The following CAMK2A variants were observed in gnomAD, a reference collection of about 807,000 sequenced individuals.
The protein encoded by CAMK2A is calcium/calmodulin dependent protein kinase II alpha.
In CAMK2A, 7 loss-of-function variants were observed where a neutral mutation model predicts 79.2. The observed-to-expected ratio is 0.09, with a 90% CI of 0.05 to 0.17. The LOEUF is 0.17. CAMK2A is among the 10% of genes least tolerant of loss of function. The pLI is 1.00. For synonymous variants in CAMK2A, 242 were observed against 251.7 expected, an observed-to-expected ratio of 0.96 and a Z score of 0.36; for missense variants, 214 against 646.4, an observed-to-expected ratio of 0.33 and a Z score of 7.25.
chr5:150,238,089 T>C (rs1281057038), intron 15 of CAMK2A, among the ~76,000 whole-genome samples: 1 of 152,246 alleles, frequency 6.6e-6, no homozygotes, highest in Admixed American at 6.5e-5. Context: ...ATGTATACCA[T>C]TACCAAACAC....
rs545225283 is a variant in CAMK2A at position 150,222,314 on chromosome 5, G to A, written c.*396C>T. ...GGAGAGGTCTGGGAGAGGGACGGACGGATGCTGCCTTCCTCATCATGCCAC... is the reference window on the plus strand; with the variant it reads ...GGAGAGGTCTGGGAGAGGGACGGACAGATGCTGCCTTCCTCATCATGCCAC... On this transcript the variant is annotated 3_prime_UTR_variant, in exon 19 of 19. Coordinates refer to ENST00000671881, the MANE Select transcript of CAMK2A (RefSeq NM_015981.4). 295 of 604,322 alleles carry A rather than the reference G, an allele frequency of 4.9e-4. 5 individuals are homozygous for A. The highest frequency in any genetic ancestry group is 4.6e-3 in the South Asian group (234 of 51,374). The allele number at this position is 604,322 out of a possible 1,614,324, so 37.4% of individuals were successfully genotyped here.
At chr5:150,268,642 ACGTTCCCAGGG>A (rs1254344481) in intron 2 of CAMK2A, among the ~76,000 whole-genome samples, 5 of 152,248 alleles carry the variant, frequency 3.3e-5, no homozygotes, top group African/African-American at 1.2e-4. Flanking sequence ...GGTCACTGCC[ACGTTCCCAGGG>A]CGTGGCATAG....
chr5:150,254,148 C>T (rs1755955897), intron 6 of CAMK2A, among the ~76,000 whole-genome samples: 1 of 152,128 alleles, frequency 6.6e-6, no homozygotes, highest in African/African-American at 2.4e-5. Context: ...GGAGGCCATC[C>T]AAGTTTACTC....
chr5:150,265,122 G>C (rs1447927618), intron 2 of CAMK2A, 107 bp from the exon 3 acceptor site: 1 of 839,734 alleles, frequency 1.2e-6, no homozygotes. Context: ...GGCAGCCCCT[G>C]GGGGCTGGGA....
At chr5:150,277,623 T>C (rs1425832396) in intron 1 of CAMK2A, among the ~76,000 whole-genome samples, 1 of 152,236 alleles carries the variant, frequency 6.6e-6, no homozygotes, top group Non-Finnish European at 1.5e-5. Context: ...GTGGGGACCC[T>C]GAACCCCTTG....
At chr5:150,268,065 G>A (rs947832542) in intron 2 of CAMK2A, among the ~76,000 whole-genome samples, 3 of 152,032 alleles carry the variant, frequency 2.0e-5, no homozygotes, top group Non-Finnish European at 2.9e-5. Context: ...AGTAGAGACG[G>A]GGTTCCACCA....
Position 150,221,635 on chromosome 5 carries a change from G to T in CAMK2A, c.*1075C>A. On this transcript the variant is annotated 3_prime_UTR_variant, in exon 19 of 19. Transcript: ENST00000671881. ...TCTGATGCTTCCACAGTCCCAAAAG[G>T]AACGCCTGTGTCAGCTCACCTTGGG... 2.5e-6 allele frequency: 1 copy of T among 398,022 alleles called. No individual in the cohort carries two copies. The highest frequency in any genetic ancestry group is 1.3e-4 in the South Asian group (1 of 7,818). 24.7% of individuals were successfully genotyped at this position (398,022 alleles called of 1,614,324 possible).
chr5:150,276,645 G>A (rs906871165), intron 1 of CAMK2A, among the ~76,000 whole-genome samples: 1 of 152,180 alleles, frequency 6.6e-6, no homozygotes, highest in African/African-American at 2.4e-5. Flanking sequence ...TCTGGGCAAG[G>A]TTCTGAGAAC....
chr5:150,224,756 G>C (rs943256325), intron 17 of CAMK2A, among the ~76,000 whole-genome samples: 1 of 152,058 alleles, frequency 6.6e-6, no homozygotes, highest in Non-Finnish European at 1.5e-5. Context: ...CAGGGCTGGA[G>C]GCATACAAGA....
chr5:150,245,067 C>T, intron 13 of CAMK2A, 94 bp downstream of exon 13: 1 of 1,285,948 alleles, frequency 7.8e-7, no homozygotes. Context: ...ACACCATCAG[C>T]AAGGCCCGGG....
intron 2 of CAMK2A, among the ~76,000 whole-genome samples, chr5:150,272,452 A>G (rs1756786633): frequency 6.6e-6 from 1 of 151,882 alleles, no homozygotes; most frequent in Non-Finnish European, 1.5e-5. Flanking sequence ...GACGCTTGTA[A>G]TCCCAGCTAC....
At chr5:150,283,725 G>A (rs1757307848) in intron 1 of CAMK2A, among the ~76,000 whole-genome samples, 1 of 152,192 alleles carries the variant, frequency 6.6e-6, no homozygotes, top group South Asian at 2.1e-4. Flanking sequence ...AATTAATGTT[G>A]GCTTTGCACT....
intron 12 of CAMK2A, 51 bp from the exon 13 acceptor site, chr5:150,245,252 G>T: frequency 6.3e-7 from 1 of 1,576,998 alleles, no homozygotes; most frequent in Non-Finnish European, 8.7e-7. Flanking sequence ...GGGCACCAGG[G>T]CCCACAGGGC....
At chr5:150,255,949 G>A (rs1323162098) in intron 6 of CAMK2A, among the ~76,000 whole-genome samples, 5 of 152,184 alleles carry the variant, frequency 3.3e-5, no homozygotes, top group Non-Finnish European at 7.4e-5. Flanking sequence ...GATCAGCAGC[G>A]GAGATCCATG....
chr5:150,279,602 A>G (rs1464794902), intron 1 of CAMK2A, among the ~76,000 whole-genome samples: 3 of 152,170 alleles, frequency 2.0e-5, no homozygotes, highest in Non-Finnish European at 4.4e-5. Context: ...CAAAATGGAC[A>G]TTGTTTGCCA....
chr5:150,284,372 TCAG>T lies in CAMK2A; in HGVS notation c.62+5189_62+5191del, dbSNP rs1309135466. Among the ~76,000 whole-genome samples the T allele has an allele frequency of 1.3e-5, 2 of 152,106 alleles. No homozygotes were observed. The highest frequency in any genetic ancestry group is 4.8e-5 in the African/African-American group (2 of 41,406). ...ATGTGTGTGTGTGAGCACGCATGCA[TCAG>T]CAACAGGATGCGAGTGTTGCACTCC... On this transcript the variant is annotated intron_variant, in intron 1 of 18. Transcript: ENST00000671881. This position sits in a 1 kb window ranked among gnomAD's most constrained non-coding sequence, Gnocchi z 5.3.
At chr5:150,244,801 A>G (rs1308966520) in intron 13 of CAMK2A, among the ~76,000 whole-genome samples, 1 of 152,178 alleles carries the variant, frequency 6.6e-6, no homozygotes, top group Non-Finnish European at 1.5e-5. Context: ...GTCACCCCTC[A>G]TGACCATTTC....
At chr5:150,257,710 C>A (rs532515735) in intron 3 of CAMK2A, 93 bp from the exon 4 acceptor site, 1 of 991,544 alleles carries the variant, frequency 1.0e-6, no homozygotes, top group Non-Finnish European at 1.6e-6. Flanking sequence ...TCCAACACCC[C>A]CCGCTCCCAG....
intron 16 of CAMK2A, among the ~76,000 whole-genome samples, chr5:150,229,058 T>A (rs144123869): frequency 1.3e-5 from 2 of 152,248 alleles, no homozygotes; most frequent in East Asian, 3.9e-4. Flanking sequence ...CATGGACCCC[T>A]GTGACAATAG....
Sources: allele counts gnomAD v4.1 joint callset (sites outside exome capture counted in the v4.1 genomes callset), GRCh38; gene constraint gnomAD v4.1.1; non-coding constraint Gnocchi (gnomAD v3.1); transcripts MANE v1.5; gene names NCBI Gene and HGNC (gene_info 2026-07-23, HGNC 2026-07-21).